Variants in KIF23 observed in about 807,000 individuals in gnomAD.
KIF23 encodes kinesin family member 23.
In KIF23, 30 loss-of-function variants were observed where a neutral mutation model predicts 137.5. The observed-to-expected ratio is 0.22, with a 90% CI of 0.16 to 0.30. KIF23 has a LOEUF of 0.30. Ranked by LOEUF, KIF23 falls within the 10% of genes least tolerant of loss-of-function variation. The pLI, the probability that KIF23 is intolerant of heterozygous loss-of-function variation, is 1.00. For synonymous variants in KIF23, 367 were observed against 391.1 expected (o/e 0.94, Z 0.73); for missense variants, 920 against 1,194.3 (o/e 0.77, Z 3.38).
intron 20 of KIF23, 118 bp from the exon 21 acceptor site, chr15:69,445,890 CT>C (rs1216895955): frequency 5.3e-6 from 4 of 752,266 alleles, no homozygotes; most frequent in Non-Finnish European, 9.1e-6. Flanking sequence ...CAAGTACCAT[CT>C]GATTTTGTGG....
In KIF23 at chr15:69,424,522, A is replaced by G. The variant is rs114980288; in HGVS notation, c.735-760A>G. 7.3e-3 allele frequency among the ~76,000 whole-genome samples: 1,117 copies of G among 152,254 alleles called. 20 individuals are homozygous for G. Among genetic ancestry groups the G allele is most frequent in the African/African-American group, 0.025 (1,038 of 41,552 alleles). On this transcript the variant is annotated intron_variant, in intron 7 of 23. Transcript: ENST00000679126. The stretch of plus-strand genomic sequence containing the variant: ...TGGAAGAGTTAAAACCTTGTGAGAC[A>G]GTTACTTTTTATTTATTTTTGAGAC...
chr15:69,442,757 TGGCTATGA>T (rs376149437), intron 19 of KIF23, among the ~76,000 whole-genome samples: 2 of 152,344 alleles, frequency 1.3e-5, no homozygotes, highest in Non-Finnish European at 2.9e-5. Context: ...ATATCTAATT[TGGCTATGA>T]GATATTTAAG....
chr15:69,417,323 A>G, intron 2 of KIF23, 60 bp from the exon 3 acceptor site: 1 of 1,446,798 alleles, frequency 6.9e-7, no homozygotes, highest in Non-Finnish European at 9.3e-7. Flanking sequence ...TGAGAAGCTT[A>G]AGTGAAAAAT....
intron 11 of KIF23, chr15:69,434,696 G>C: frequency 6.8e-7 from 1 of 1,460,732 alleles, no homozygotes; most frequent in Non-Finnish European, 9.5e-7. Flanking sequence ...CCTTGAGCCA[G>C]AGCCTCAGAT....
chr15:69,441,454 T>C lies in KIF23; in HGVS notation c.2421+375T>C, dbSNP rs933950538. ...CAAATTAGATTTTTTATACCTCCTT[T>C]CATGCCCTAGTTTTAAAAATTGTTT... On this transcript the variant is annotated intron_variant, in intron 19 of 23. Transcript: ENST00000679126. Among the ~76,000 whole-genome samples, 3 of 152,250 alleles carry C rather than the reference T, an allele frequency of 2.0e-5. No individual in the cohort carries two copies. The East Asian group carries it at 5.8e-4, about 29-fold the overall frequency.
chr15:69,414,893 G>A (rs1053189046), intron 1 of KIF23: 8 of 178,948 alleles, frequency 4.5e-5, no homozygotes, highest in Non-Finnish European at 5.8e-5. Flanking sequence ...CGTGTGTGGA[G>A]CAGAGCGAGT....
At chr15:69,442,584 CTAAAGTCTCTTAA>C (rs974476892) in intron 19 of KIF23, among the ~76,000 whole-genome samples, 1 of 152,192 alleles carries the variant, frequency 6.6e-6, no homozygotes, top group Non-Finnish European at 1.5e-5. Context: ...ACAGATGATT[CTAAAGTCTCTTAA>C]GTTCTTTACT....
intron 10 of KIF23, 107 bp downstream of exon 10, chr15:69,426,564 A>G: frequency 8.1e-7 from 1 of 1,237,086 alleles, no homozygotes; most frequent in Non-Finnish European, 1.1e-6. Flanking sequence ...GTAAAATTGG[A>G]AAAATCAGCC....
Position 69,440,802 on chromosome 15 carries a change from G to A in KIF23, c.2144G>A (p.Gly715Asp), listed in dbSNP as rs777853297. 4 of 1,611,754 alleles carry A rather than the reference G, an allele frequency of 2.5e-6. No individual in the cohort carries two copies. The highest frequency in any genetic ancestry group is 1.7e-5 in the Admixed American group (1 of 59,976). ...AACTATATTGCTCAGATTTCCAACG[G>A]CCAGCAACTCATGAGCCAGCCACAG... ...SSNYIAQISN[G>D]QQLMSQPQLH... Residue 715 changes from glycine (G) to aspartate (D), a missense_variant, in exon 19 of 24, where the codon GGC becomes GAC. Transcript: ENST00000679126.
At chr15:69,439,854 C>T in intron 16 of KIF23, 50 bp from the exon 17 acceptor site, 1 of 1,359,594 alleles carries the variant, frequency 7.4e-7, no homozygotes, top group South Asian at 1.4e-5. Context: ...TTTATAGCGA[C>T]ATGAAATGTT....
intron 11 of KIF23, chr15:69,435,231 A>G (rs2057449552): frequency 1.9e-6 from 1 of 524,104 alleles, no homozygotes; most frequent in Admixed American, 3.6e-5. Context: ...CATTAACTGT[A>G]ATGTTGCATT....
intron 19 of KIF23, 74 bp downstream of exon 19, chr15:69,441,153 A>G: frequency 7.6e-7 from 1 of 1,319,822 alleles, no homozygotes; most frequent in Non-Finnish European, 1.0e-6. Flanking sequence ...CTTGTGTCTG[A>G]AAGTTCATTG....
At chr15:69,438,040 C>G (rs2057524578) in intron 15 of KIF23, among the ~76,000 whole-genome samples, 1 of 152,160 alleles carries the variant, frequency 6.6e-6, no homozygotes, top group African/African-American at 2.4e-5. Flanking sequence ...AGTATTTTTT[C>G]AGCATTTAAC....
At chr15:69,436,900 A>T (rs1484344292) in intron 15 of KIF23, among the ~76,000 whole-genome samples, 178 bp downstream of exon 15, 1 of 151,986 alleles carries the variant, frequency 6.6e-6, no homozygotes, top group African/African-American at 2.4e-5. Context: ...GACTACAGGC[A>T]CATGCCACCA....
At position 69,423,294 on chromosome 15, in the gene KIF23, A is replaced by G. The variant is rs61750337; in HGVS notation, c.699A>G (p.Leu233=). The change falls in exon 7 of 24, where the codon CTA becomes CTG. Residue 233 remains leucine (L), a synonymous_variant. Transcript: ENST00000679126. The part of the protein sequence containing the change: ...IEIYNNYIYD[L]LEEVPFDPIK... ...TATATAATAATTACATATATGATCT[A>G]TTGGAAGAGGTGCCGTTTGATCCCA... The G allele has an allele frequency of 2.7e-3, 4,249 of 1,579,258 alleles. 7 individuals are homozygous for G. The highest frequency in any genetic ancestry group is 8.1e-3 in the Middle Eastern group (48 of 5,940).
chr15:69,434,833 T>C, intron 11 of KIF23: 3 of 913,916 alleles, frequency 3.3e-6, no homozygotes, highest in Non-Finnish European at 3.5e-6. Flanking sequence ...CTGGCAGTAA[T>C]GTCCAGGCAC....
intron 11 of KIF23, 83 bp from the exon 12 acceptor site, chr15:69,435,400 T>G (rs2057453006): frequency 1.8e-6 from 2 of 1,092,322 alleles, no homozygotes; most frequent in Non-Finnish European, 2.7e-6. Flanking sequence ...TTGTTTGAAG[T>G]TGAGATTTTA....
At chr15:69,422,585 G>C in intron 6 of KIF23, 150 bp downstream of exon 6, 2 of 608,082 alleles carry the variant, frequency 3.3e-6, no homozygotes, top group East Asian at 2.8e-5. Flanking sequence ...TCTTTGCTCA[G>C]ATGTTTTCTC....
intron 3 of KIF23, among the ~76,000 whole-genome samples, chr15:69,420,085 C>A (rs1387531848): frequency 6.6e-6 from 1 of 151,850 alleles, no homozygotes; most frequent in African/African-American, 2.4e-5. Context: ...GCCAACATGG[C>A]GAAACCCCAT....
Sources: allele counts gnomAD v4.1 joint callset (sites outside exome capture counted in the v4.1 genomes callset), GRCh38; gene constraint gnomAD v4.1.1; transcripts MANE v1.5; gene names NCBI Gene and HGNC (gene_info 2026-07-23, HGNC 2026-07-21).